Variants in USP34 observed in about 807,000 individuals in gnomAD.
The protein encoded by USP34 is ubiquitin specific peptidase 34.
Under a neutral mutation model 460.3 loss-of-function variants are expected in USP34, and 70 were observed. The observed-to-expected ratio is 0.15, with a 90% CI of 0.13 to 0.19. The LOEUF is 0.19. Ranked by LOEUF, USP34 falls within the 10% of genes least tolerant of loss-of-function variation. USP34 has a pLI of 1.00. For synonymous variants in USP34, 1,647 were observed against 1,405.3 expected, an observed-to-expected ratio of 1.17 and a Z score of -3.85; for missense variants, 3,985 against 4,236.2, an observed-to-expected ratio of 0.94 and a Z score of 1.65.
At chr2:61,311,391 C>T (rs947651915) in intron 27 of USP34, 149 bp downstream of exon 27, 103 of 864,926 alleles carry the variant, frequency 1.2e-4, no homozygotes, top group Non-Finnish European at 1.1e-4. Flanking sequence ...TACAGCAACA[C>T]AAGACAAACC....
At chr2:61,270,790 C>CA (rs1028679156) in intron 41 of USP34, among the ~76,000 whole-genome samples, 2 of 152,074 alleles carry the variant, frequency 1.3e-5, no homozygotes, top group African/African-American at 4.8e-5. Flanking sequence ...ATAATGCTTT[C>CA]ATTTTATATA....
At chr2:61,385,087 CTTA>C (rs1001952717) in intron 5 of USP34, among the ~76,000 whole-genome samples, 17 of 152,040 alleles carry the variant, frequency 1.1e-4, no homozygotes, top group South Asian at 6.2e-4. Context: ...ATGTTCTTTT[CTTA>C]TTATTTGTTC....
intron 1 of USP34, among the ~76,000 whole-genome samples, chr2:61,459,931 G>A (rs916706374): frequency 2.6e-5 from 4 of 152,020 alleles, no homozygotes; most frequent in South Asian, 2.1e-4. Flanking sequence ...ACATGGTGGC[G>A]GACGCCTGTA....
chr2:61,357,643 G>A (rs181874599), intron 10 of USP34, among the ~76,000 whole-genome samples: 2 of 152,184 alleles, frequency 1.3e-5, no homozygotes, highest in Admixed American at 1.3e-4. Flanking sequence ...CATGCCTGTT[G>A]TAATACTCTC....
intron 18 of USP34, among the ~76,000 whole-genome samples, chr2:61,338,373 T>C (rs1046393109): frequency 6.6e-6 from 1 of 152,212 alleles, no homozygotes; most frequent in African/African-American, 2.4e-5. Context: ...TTTACAAAGT[T>C]CTACTAGTGG....
In USP34 at chr2:61,214,502, T is replaced by C. The variant is rs1406525485; in HGVS notation, c.8240A>G (p.His2747Arg). ...ATAGGGCACTAGCTTTGTAGTGCCA[T>C]GAACAGCAGCATCAACATAAAGTTT... ...RAKLYVDAAV[H>R]GTTKLVPYFS... is the part of the protein sequence containing the mutation. Residue 2747 changes from histidine to arginine, a missense_variant, in exon 68 of 80, where the codon CAT becomes CGT. This residue lies in a region of USP34 where 604 missense variants were observed against 684.8 expected (regional missense o/e 0.88). Transcript: ENST00000398571. The C allele has an allele frequency of 1.2e-6, 2 of 1,613,606 alleles. No individual in the cohort carries two copies. Among genetic ancestry groups the C allele is most frequent in the Non-Finnish European group, 1.7e-6 (2 of 1,179,918 alleles).
chr2:61,372,748 A>G (rs1660935695), intron 8 of USP34, among the ~76,000 whole-genome samples: 1 of 152,196 alleles, frequency 6.6e-6, no homozygotes, highest in Non-Finnish European at 1.5e-5. Context: ...TTTCGTAATA[A>G]TGATGCAACT....
chr2:61,333,607 C>G (rs1691334716), intron 19 of USP34, among the ~76,000 whole-genome samples: 1 of 152,076 alleles, frequency 6.6e-6, no homozygotes, highest in Non-Finnish European at 1.5e-5. Flanking sequence ...AAGTACTCTG[C>G]TGTAGCTGCA....
rs1558518014 is a variant in USP34 at position 61,301,152 on chromosome 2, A to T, written c.3927T>A (p.Phe1309Leu). 6.3e-7 allele frequency: 1 copy of T among 1,583,950 alleles called. No homozygotes were observed. The highest frequency in any genetic ancestry group is 8.5e-7 in the Non-Finnish European group (1 of 1,170,438). The change falls in exon 29 of 80, where the codon TTT (phenylalanine) becomes TTA (leucine). Residue 1309 changes from phenylalanine (F) to leucine (L), a missense_variant. Transcript: ENST00000398571. ...CTCTCCTTGGTGCACCCAAAGATAC[A>T]AATACCATCTATAAAAAACAGGAAA... ...ELGFKDMQMV[F>L]VSLGAPRRER...
intron 65 of USP34, 41 bp downstream of exon 65, chr2:61,222,578 A>T: frequency 2.6e-6 from 4 of 1,560,014 alleles, no homozygotes; most frequent in Non-Finnish European, 3.5e-6. Context: ...AGCAGTGCTG[A>T]AAATTGTTTT....
intron 33 of USP34, among the ~76,000 whole-genome samples, chr2:61,289,933 T>C (rs190097345): frequency 1.3e-5 from 2 of 152,260 alleles, no homozygotes; most frequent in Admixed American, 6.5e-5. Flanking sequence ...AAAGATGCTG[T>C]CAGTATAATG....
Position 61,236,086 on chromosome 2 carries a change from A to G in USP34, c.6919-13T>C, listed in dbSNP as rs552070313. On this transcript the variant is annotated splice_polypyrimidine_tract_variant and intron_variant, in intron 55 of 79. Transcript: ENST00000398571. Reference sequence around the variant, plus strand: ...AGGAAGTGCTTAACTGTAAGAAAAGATAAAGCAAAAAAGCTTCAATCATTT... The same window carrying G: ...AGGAAGTGCTTAACTGTAAGAAAAGGTAAAGCAAAAAAGCTTCAATCATTT... 1.3e-5 allele frequency: 21 copies of G among 1,599,286 alleles called. No homozygotes were observed. In the East Asian group the frequency reaches 4.0e-4, roughly 31 times the overall value.
At chr2:61,375,597 G>A (rs1281790949) in intron 8 of USP34, among the ~76,000 whole-genome samples, 6 of 151,730 alleles carry the variant, frequency 4.0e-5, no homozygotes, top group African/African-American at 1.2e-4. Flanking sequence ...GTGAAACCCC[G>A]TCTCTACTAA....
chr2:61,382,284 C>G (rs575995698), intron 6 of USP34, among the ~76,000 whole-genome samples: 10 of 152,192 alleles, frequency 6.6e-5, no homozygotes, highest in South Asian at 2.1e-4. Context: ...CAGTGGCCTA[C>G]AAGGTCCTGA....
intron 48 of USP34, among the ~76,000 whole-genome samples, chr2:61,252,380 C>G (rs1331817776): frequency 2.0e-5 from 3 of 146,534 alleles, no homozygotes; most frequent in Non-Finnish European, 4.5e-5. Context: ...GCTGCTACTA[C>G]AGTAACAATA....
intron 18 of USP34, 96 bp from the exon 19 acceptor site, chr2:61,334,067 C>A: frequency 1.2e-6 from 1 of 827,848 alleles, no homozygotes; most frequent in Non-Finnish European, 1.8e-6. Flanking sequence ...TTTAATGAAT[C>A]TTGCATAGAG....
chr2:61,228,644 C>A lies in USP34; in HGVS notation c.7443+1G>T. 1 of 1,610,568 alleles carries A rather than the reference C, an allele frequency of 6.2e-7. No homozygotes were observed. The highest frequency in any genetic ancestry group is 8.5e-7 in the Non-Finnish European group (1 of 1,178,704). On this transcript the variant is annotated splice_donor_variant, in intron 61 of 79. Coordinates refer to ENST00000398571, the MANE Select transcript of USP34 (RefSeq NM_014709.4). LOFTEE classifies it high-confidence loss of function. ...CTAATGTACGATAGAACTGTACTTA[C>A]ATTTTCAGGTCCTTTTGTTCCCATG...
At chr2:61,434,727 A>C (rs1694765797) in intron 1 of USP34, among the ~76,000 whole-genome samples, 1 of 150,892 alleles carries the variant, frequency 6.6e-6, no homozygotes, top group Non-Finnish European at 1.5e-5. Context: ...CACTTATATA[A>C]ATTAAGTCTT....
intron 2 of USP34, among the ~76,000 whole-genome samples, chr2:61,408,734 A>G (rs1451325268): frequency 6.6e-6 from 1 of 151,982 alleles, no homozygotes; most frequent in Non-Finnish European, 1.5e-5. Flanking sequence ...CTTCTCTACT[A>G]AAAATAAAAA....
Sources: allele counts gnomAD v4.1 joint callset (sites outside exome capture counted in the v4.1 genomes callset), GRCh38; gene constraint gnomAD v4.1.1; regional missense constraint gnomAD v4.1.1; transcripts MANE v1.5; gene names NCBI Gene and HGNC (gene_info 2026-07-23, HGNC 2026-07-21).